Variants in SBF2 observed in about 807,000 individuals in gnomAD.
The protein encoded by SBF2 is SET binding factor 2, also known as myotubularin-related protein 13.
SBF2 carries 112 observed loss-of-function variants against 225.2 expected under a neutral mutation model. The ratio of observed to expected loss-of-function variants is 0.50; its 90% confidence interval spans 0.43 to 0.58. The LOEUF (loss-of-function observed/expected upper bound fraction) is 0.58. Among genes scored for constraint, SBF2 ranks in the 20% least tolerant of loss-of-function variants. The pLI is 0.00. For synonymous variants in SBF2, 763 were observed against 773.3 expected, an observed-to-expected ratio of 0.99 and a Z score of 0.22; for missense variants, 1,996 against 2,206.2, an observed-to-expected ratio of 0.90 and a Z score of 1.91.
chr11:10,126,187 T>C (rs532767809), intron 2 of SBF2, among the ~76,000 whole-genome samples: 1 of 152,312 alleles, frequency 6.6e-6, no homozygotes, highest in East Asian at 1.9e-4. Flanking sequence ...TGTTTAAAAC[T>C]GCACAAAATG....
chr11:10,247,549 C>T (rs938040195), intron 1 of SBF2, among the ~76,000 whole-genome samples: 1 of 150,238 alleles, frequency 6.7e-6, no homozygotes, highest in South Asian at 2.1e-4. Flanking sequence ...AAAAAATTAG[C>T]CAGGCGTGGT....
At chr11:10,241,915 G>A (rs1407985662) in intron 1 of SBF2, among the ~76,000 whole-genome samples, 1 of 151,998 alleles carries the variant, frequency 6.6e-6, no homozygotes, top group Non-Finnish European at 1.5e-5. Flanking sequence ...TAAGGTGAGT[G>A]TCTACCTTTG....
rs936460890 is a variant in SBF2 at position 9,891,372 on chromosome 11, A to G, written c.1929+4571T>C. On this transcript the variant is annotated intron_variant, in intron 17 of 39. Coordinates refer to ENST00000256190, the MANE Select transcript of SBF2 (RefSeq NM_030962.4). ...TCTGAATTTAATAAACATAATCTTT[A>G]AATGCAAAGGGCATAAGTAAATCAA... Among the ~76,000 whole-genome samples, 5 of 152,226 alleles carry G rather than the reference A, an allele frequency of 3.3e-5. 1 individual carries two copies. The highest frequency in any genetic ancestry group is 3.8e-4 in the East Asian group (2 of 5,200).
intron 16 of SBF2, among the ~76,000 whole-genome samples, chr11:9,915,186 C>T (rs755595526): frequency 2.0e-5 from 3 of 152,024 alleles, no homozygotes; most frequent in Non-Finnish European, 4.4e-5. Flanking sequence ...CAGTGGCTCA[C>T]GCCTGTAATC....
chr11:10,035,961 C>T lies in SBF2; in HGVS notation c.280-4791G>A, dbSNP rs554518242. On this transcript the variant is annotated intron_variant, in intron 3 of 39. Transcript: ENST00000256190. The stretch of plus-strand genomic sequence containing the variant: ...ATTCTACTATAAAGACACATGCACA[C>T]GTATGCTTATTGTGACACTATTCAC... Among the ~76,000 whole-genome samples, 7 of 152,186 alleles carry T rather than the reference C, an allele frequency of 4.6e-5. No homozygotes were observed. The South Asian group carries it at 1.0e-3, about 23-fold the overall frequency.
At chr11:9,855,255 G>GGT (rs2133997239) in intron 19 of SBF2, among the ~76,000 whole-genome samples, 1 of 152,284 alleles carries the variant, frequency 6.6e-6, no homozygotes, top group East Asian at 1.9e-4. Flanking sequence ...TTGACTGTAT[G>GGT]GTGTGAAATG....
At position 10,221,137 on chromosome 11, in the gene SBF2, T is replaced by A. The variant is rs1006030981; in HGVS notation, c.56-27150A>T. 3.3e-3 allele frequency among the ~76,000 whole-genome samples: 505 copies of A among 151,118 alleles called. 4 individuals are homozygous for A. The highest frequency in any genetic ancestry group is 5.7e-3 in the Non-Finnish European group (383 of 67,780). ...TGTTACTTCCTTTTTTTTTTTTTTT[T>A]AATTGAGACTCGCTCTGTTGCCCAG... is the stretch of plus-strand genomic sequence containing the variant. On this transcript the variant is annotated intron_variant, in intron 1 of 39. Transcript: ENST00000256190.
Position 9,919,220 on chromosome 11 carries a change from G to A in SBF2, c.1861-23209C>T, listed in dbSNP as rs1863377132. On this transcript the variant is annotated intron_variant, in intron 16 of 39. Transcript: ENST00000256190. ...CTCTTTTCCCTCACATTCTCTAGCT[G>A]ATTTTCCATCAAGATTTGAAATAGC... Among the ~76,000 whole-genome samples, 3 of 149,904 alleles carry A rather than the reference G, an allele frequency of 2.0e-5. No individual in the cohort carries two copies. In the South Asian group the frequency reaches 6.3e-4, roughly 31 times the overall value.
intron 16 of SBF2, among the ~76,000 whole-genome samples, chr11:9,928,126 T>TA (rs1864197988): frequency 6.6e-6 from 1 of 152,060 alleles, no homozygotes; most frequent in Non-Finnish European, 1.5e-5. Context: ...TTTATCAAAA[T>TA]AAAAAGCTTC....
chr11:9,956,493 T>A (rs1221256063), intron 16 of SBF2: 1 of 152,160 alleles, frequency 6.6e-6, no homozygotes, highest in Non-Finnish European at 1.5e-5. Context: ...CTTATAGTTT[T>A]AATTTGCATT....
At chr11:9,933,231 T>A (rs1864632205) in intron 16 of SBF2, among the ~76,000 whole-genome samples, 1 of 150,906 alleles carries the variant, frequency 6.6e-6, no homozygotes, top group Non-Finnish European at 1.5e-5. Context: ...CACCCCACTG[T>A]CTATATTACA....
intron 6 of SBF2, among the ~76,000 whole-genome samples, chr11:10,006,767 C>T (rs574942422): frequency 6.6e-6 from 1 of 152,292 alleles, no homozygotes; most frequent in East Asian, 1.9e-4. Flanking sequence ...CCATGCCCTT[C>T]TCAATATTGA....
At chr11:9,984,528 C>T (rs767954078) in intron 13 of SBF2, among the ~76,000 whole-genome samples, 8 of 152,244 alleles carry the variant, frequency 5.3e-5, no homozygotes, top group South Asian at 4.1e-4. Flanking sequence ...TTGAGGAAAA[C>T]ATCCCCGGCC....
At chr11:10,088,823 G>A (rs1429397266) in intron 2 of SBF2, among the ~76,000 whole-genome samples, 1 of 152,188 alleles carries the variant, frequency 6.6e-6, no homozygotes, top group Non-Finnish European at 1.5e-5. Flanking sequence ...TCCAAACTAT[G>A]GCAATCAGAA....
At chr11:10,286,723 A>T (rs1963818890) in intron 1 of SBF2, among the ~76,000 whole-genome samples, 1 of 152,180 alleles carries the variant, frequency 6.6e-6, no homozygotes, top group African/African-American at 2.4e-5. Flanking sequence ...TTAACAAAAA[A>T]TGGCTACTCC....
chr11:10,220,293 C>G (rs1958294462), intron 1 of SBF2, among the ~76,000 whole-genome samples: 1 of 152,086 alleles, frequency 6.6e-6, no homozygotes, highest in South Asian at 2.1e-4. Flanking sequence ...CACCCTCGCC[C>G]CACCAGCCCA....
intron 1 of SBF2, among the ~76,000 whole-genome samples, chr11:10,216,933 C>T (rs1248768579): frequency 6.6e-6 from 1 of 151,696 alleles, no homozygotes; most frequent in East Asian, 1.9e-4. Flanking sequence ...TAAGAAAATG[C>T]AAATATTTAA....
At chr11:10,056,030 A>G (rs1412592346) in intron 2 of SBF2, among the ~76,000 whole-genome samples, 1 of 152,226 alleles carries the variant, frequency 6.6e-6, no homozygotes, top group Non-Finnish European at 1.5e-5. Flanking sequence ...AGTTTTGAAA[A>G]AACAAAACAG....
chr11:9,848,052 T>C (rs1373582273), intron 22 of SBF2, among the ~76,000 whole-genome samples: 1 of 136,776 alleles, frequency 7.3e-6, no homozygotes, highest in African/African-American at 2.8e-5. Context: ...ATAACAGGAG[T>C]GGCAATGAAC....
Sources: allele counts gnomAD v4.1 joint callset (sites outside exome capture counted in the v4.1 genomes callset), GRCh38; gene constraint gnomAD v4.1.1; transcripts MANE v1.5; gene names NCBI Gene and HGNC (gene_info 2026-07-23, HGNC 2026-07-21).